The following PPP3CA variants were observed in gnomAD, a reference collection of about 807,000 sequenced individuals.
PPP3CA encodes CAM-PRP catalytic subunit.
In PPP3CA, 14 loss-of-function variants were observed where a neutral mutation model predicts 66.5. That is an observed-to-expected ratio of 0.21 (90% CI 0.14 to 0.33). The LOEUF (loss-of-function observed/expected upper bound fraction) is 0.33, where lower values mean the gene tolerates loss of function less well. Ranked by LOEUF, PPP3CA falls within the 10% of genes least tolerant of loss-of-function variation. The probability of loss-of-function intolerance (pLI) is 1.00; values close to 1 mark genes in which losing one functional copy is unlikely to be tolerated. For missense variants in PPP3CA, 317 were observed against 639.5 expected (o/e 0.50, Z 5.44); for synonymous variants, 232 against 226.2 (o/e 1.03, Z -0.23).
At chr4:101,147,487 G>T (rs1723008016) in intron 2 of PPP3CA, among the ~76,000 whole-genome samples, 1 of 152,092 alleles carries the variant, frequency 6.6e-6, no homozygotes, top group Admixed American at 6.6e-5. Flanking sequence ...AAGACACAGA[G>T]TTCCTATTAC....
At chr4:101,273,956 GA>G (rs967575566) in intron 1 of PPP3CA, among the ~76,000 whole-genome samples, 86 of 151,712 alleles carry the variant, frequency 5.7e-4, no homozygotes, top group Non-Finnish European at 9.9e-4. Flanking sequence ...ACTAACAGCT[GA>G]AAAAAAATCT....
chr4:101,337,766 C>G (rs6817805), intron 1 of PPP3CA, among the ~76,000 whole-genome samples: 1 of 152,036 alleles, frequency 6.6e-6, no homozygotes, highest in Non-Finnish European at 1.5e-5. Flanking sequence ...TCTGGGGTAG[C>G]GCAGCTTTAG....
At chr4:101,124,725 G>GAAAGAAAAAGAA (rs1412415941) in intron 2 of PPP3CA, among the ~76,000 whole-genome samples, 5 of 58,768 alleles carry the variant, frequency 8.5e-5, no homozygotes, top group African/African-American at 2.9e-4. Flanking sequence ...AAGAAAGAAA[G>GAAAGAAAAAGAA]AGAAAGAAAG....
intron 1 of PPP3CA, among the ~76,000 whole-genome samples, chr4:101,306,193 T>C (rs1445721390): frequency 1.3e-5 from 2 of 152,146 alleles, no homozygotes; most frequent in African/African-American, 2.4e-5. Flanking sequence ...TCTAAGTTAG[T>C]TGGCTGTCAT....
intron 2 of PPP3CA, among the ~76,000 whole-genome samples, chr4:101,151,905 C>T (rs1723155143): frequency 6.6e-6 from 1 of 152,042 alleles, no homozygotes; most frequent in African/African-American, 2.4e-5. Context: ...ATTTGCCTGC[C>T]TTGGCCTCCC....
At chr4:101,108,217 A>G (rs1721503898) in intron 3 of PPP3CA, 1 of 152,240 alleles carries the variant, frequency 6.6e-6, no homozygotes. Flanking sequence ...AAGTGTACTC[A>G]CACATAGACA....
chr4:101,033,677 A>G (rs942456741), intron 11 of PPP3CA, among the ~76,000 whole-genome samples: 3 of 152,030 alleles, frequency 2.0e-5, no homozygotes, highest in African/African-American at 4.8e-5. Context: ...TTAGGATTCA[A>G]TCAATGGTCT....
chr4:101,152,538 G>C (rs572352762), intron 2 of PPP3CA, among the ~76,000 whole-genome samples: 1 of 152,304 alleles, frequency 6.6e-6, no homozygotes, highest in African/African-American at 2.4e-5. Context: ...TACTAACAAA[G>C]TAAGAAAATT....
intron 1 of PPP3CA, among the ~76,000 whole-genome samples, chr4:101,318,151 T>G (rs1249098905): frequency 2.0e-5 from 3 of 152,194 alleles, no homozygotes; most frequent in African/African-American, 4.8e-5. Flanking sequence ...GAGTTGTATT[T>G]TTAAGAAATA....
intron 1 of PPP3CA, among the ~76,000 whole-genome samples, chr4:101,201,851 C>T (rs182150880): frequency 2.0e-5 from 3 of 152,338 alleles, no homozygotes; most frequent in Non-Finnish European, 4.4e-5. Context: ...GTCCACCATG[C>T]TAATCAAACT....
chr4:101,168,805 A>C (rs1022229717), intron 2 of PPP3CA, among the ~76,000 whole-genome samples: 2 of 152,184 alleles, frequency 1.3e-5, no homozygotes, highest in African/African-American at 4.8e-5. Flanking sequence ...GCTATGCCAT[A>C]CTATCCACAT....
At chr4:101,212,334 C>A (rs1477869186) in intron 1 of PPP3CA, among the ~76,000 whole-genome samples, 1 of 152,084 alleles carries the variant, frequency 6.6e-6, no homozygotes, top group Non-Finnish European at 1.5e-5. Context: ...AGTTGGAAGC[C>A]ATTATCCTCA....
chr4:101,163,426 G>C (rs1292529394), intron 2 of PPP3CA, among the ~76,000 whole-genome samples: 1 of 152,160 alleles, frequency 6.6e-6, no homozygotes, highest in African/African-American at 2.4e-5. Flanking sequence ...TGGCCCACAA[G>C]TCAAAGTTGT....
chr4:101,336,603 C>G (rs1199437633), intron 1 of PPP3CA, among the ~76,000 whole-genome samples: 1 of 149,508 alleles, frequency 6.7e-6, no homozygotes, highest in South Asian at 2.1e-4. Flanking sequence ...AAAAAGAAAG[C>G]TGTTTTTAAT....
chr4:101,219,729 C>A (rs559765123), intron 1 of PPP3CA, among the ~76,000 whole-genome samples: 2 of 151,816 alleles, frequency 1.3e-5, no homozygotes, highest in African/African-American at 2.4e-5. Flanking sequence ...TCAGTACTGT[C>A]ATCTTGGGAG....
At chr4:101,315,855 C>T (rs1304204657) in intron 1 of PPP3CA, among the ~76,000 whole-genome samples, 2 of 152,178 alleles carry the variant, frequency 1.3e-5, no homozygotes, top group African/African-American at 2.4e-5. Flanking sequence ...TTCCTCACCC[C>T]CTTTTCTGCT....
intron 1 of PPP3CA, among the ~76,000 whole-genome samples, chr4:101,289,745 T>C (rs1727959777): frequency 6.6e-6 from 1 of 152,148 alleles, no homozygotes; most frequent in African/African-American, 2.4e-5. Context: ...TCATTTTACA[T>C]TAAATTTCTC....
At chr4:101,218,932 T>C (rs1725536947) in intron 1 of PPP3CA, among the ~76,000 whole-genome samples, 1 of 152,106 alleles carries the variant, frequency 6.6e-6, no homozygotes, top group African/African-American at 2.4e-5. Flanking sequence ...GCTATCCACA[T>C]ACTTCTTCCC....
At chr4:101,345,383 T>G (rs551135053) in intron 1 of PPP3CA, among the ~76,000 whole-genome samples, 44 of 152,332 alleles carry the variant, frequency 2.9e-4, no homozygotes, top group African/African-American at 1.0e-3. Flanking sequence ...TTACTTCACT[T>G]TTAAGTGCTC....
Sources: gnomAD v4.1 joint callset for allele counts (sites outside exome capture counted in the v4.1 genomes callset) on GRCh38, gnomAD v4.1.1 for gene constraint, MANE v1.5 for transcripts, NCBI Gene and HGNC (gene_info 2026-07-23, HGNC 2026-07-21) for gene names.